POU3F4: variants seen among roughly 807,000 people sequenced by gnomAD.
The protein encoded by POU3F4 is POU domain, class 3, transcription factor 4.
Under a neutral mutation model 15.2 loss-of-function variants are expected in POU3F4, and 2 were observed. That is an observed-to-expected ratio of 0.13 (90% CI 0.05 to 0.42). POU3F4 has a LOEUF of 0.42. POU3F4 is among the 10% of genes least tolerant of loss of function. The pLI is 0.99. For missense variants in POU3F4, 220 were observed against 297.0 expected (o/e 0.74, Z 1.91); for synonymous variants, 158 against 133.3 (o/e 1.19, Z -1.28).
In POU3F4 at chrX:83,510,536, C is replaced by G. The variant is rs1925889984; in HGVS notation, c.*1126C>G. On this transcript the variant is annotated 3_prime_UTR_variant, in exon 1 of 1. Transcript: ENST00000644024. ...TAGATCGAGGTATCTGAGAAGGATT[C>G]GGCGGCAACTCTGGGCCAAAGAGGT... 1 of 111,392 alleles carries G rather than the reference C, an allele frequency of 9.0e-6. No homozygotes were observed. Among genetic ancestry groups the G allele is most frequent in the Non-Finnish European group, 1.9e-5 (1 of 53,032 alleles). The allele number at this position is 111,392 out of a possible 1,213,427, so 9.2% of individuals were successfully genotyped here.
In POU3F4 at chrX:83,509,640, C is replaced by T; in HGVS notation, c.*230C>T. On this transcript the variant is annotated 3_prime_UTR_variant, in exon 1 of 1. Transcript: ENST00000644024. ...CTTTCATTTTCTTTCCTTTCCCCTT[C>T]CCTTCCCTTCCCTTCCATCTCTTCC... 1 of 436,093 alleles carries T rather than the reference C, an allele frequency of 2.3e-6. No individual in the cohort carries two copies. Among genetic ancestry groups the T allele is most frequent in the East Asian group, 4.1e-5 (1 of 24,598 alleles). The allele number at this position is 436,093 out of a possible 1,213,427, so 35.9% of individuals were successfully genotyped here. A position where few individuals can be genotyped will look rare whatever the true frequency, so the allele number is the denominator to read the frequency against.
chrX:83,508,787 G>T lies in POU3F4; in HGVS notation c.463G>T (p.Ala155Ser). ...LEHGGLTPPP[A>S]AASAQSLHPV... ...ACACGGGGGACTCACCCCACCTCCA[G>T]CTGCCGCCTCTGCACAGAGCCTGCA... The change falls in exon 1 of 1, where the codon GCT (alanine) becomes TCT (serine). Residue 155 changes from alanine (A) to serine (S), a missense_variant. Ala to Ser is a moderately conservative substitution (Grantham distance 99). Coordinates refer to ENST00000644024, the MANE Select transcript of POU3F4 (RefSeq NM_000307.5). 1 of 1,204,908 alleles carries T rather than the reference G, an allele frequency of 8.3e-7. No homozygotes were observed. The highest frequency in any genetic ancestry group is 1.8e-5 in the South Asian group (1 of 55,958).
chrX:83,509,707 T>C lies in POU3F4; in HGVS notation c.*297T>C, dbSNP rs1297004201. The C allele has an allele frequency of 2.3e-5, 8 of 349,971 alleles. No individual in the cohort carries two copies. In the East Asian group the frequency reaches 2.7e-4, roughly 12 times the overall value. The allele number at this position is 349,971 out of a possible 1,213,427, so 28.8% of individuals were successfully genotyped here. On this transcript the variant is annotated 3_prime_UTR_variant, in exon 1 of 1. Coordinates refer to ENST00000644024, the MANE Select transcript of POU3F4 (RefSeq NM_000307.5). The stretch of plus-strand genomic sequence containing the variant: ...TTCTTTTGCTTTCCTTTCCTTTTTT[T>C]CCCTTTTCTTTCCTTTTCATAAGAG...
Position 83,508,854 on chromosome X carries a change from C to T in POU3F4, c.530C>T (p.Ser177Leu), listed in dbSNP as rs770657036. ...CCCCCGGATCACGGCGAACTGGGCT[C>T]GCACCATTGCCAGGATCACTCCGAC... Reference protein sequence around the residue: ...REPPDHGELGSHHCQDHSDEE... With the variant: ...REPPDHGELGLHHCQDHSDEE... The change falls in exon 1 of 1, where the codon TCG becomes TTG. Residue 177 changes from serine to leucine, a missense_variant. Physicochemically the swap from Ser to Leu is moderately radical, Grantham distance 145. This residue lies in a region of POU3F4 where 161 missense variants were observed against 154.1 expected (regional missense o/e 1.05). Coordinates refer to ENST00000644024, the MANE Select transcript of POU3F4 (RefSeq NM_000307.5). 27 of 1,210,101 alleles carry T rather than the reference C, an allele frequency of 2.2e-5. No homozygotes were observed. The highest frequency in any genetic ancestry group is 2.6e-5 in the Non-Finnish European group (23 of 894,547).
In POU3F4 at chrX:83,510,561, T is replaced by G. The variant is rs1925890430; in HGVS notation, c.*1151T>G. ...CGGCGGCAACTCTGGGCCAAAGAGG[T>G]GGCCTGACAGTCTGGGAGGGCTCCG... On this transcript the variant is annotated 3_prime_UTR_variant, in exon 1 of 1. Coordinates refer to ENST00000644024, the MANE Select transcript of POU3F4 (RefSeq NM_000307.5). 1 of 111,231 alleles carries G rather than the reference T, an allele frequency of 9.0e-6. No individual in the cohort carries two copies. The highest frequency in any genetic ancestry group is 3.8e-4 in the South Asian group (1 of 2,629). The allele number at this position is 111,231 out of a possible 1,213,427, so 9.2% of individuals were successfully genotyped here.
Position 83,510,216 on chromosome X carries a change from A to T in POU3F4, c.*806A>T, listed in dbSNP as rs1479401929. 1 of 109,651 alleles carries T rather than the reference A, an allele frequency of 9.1e-6. No homozygotes were observed. The highest frequency in any genetic ancestry group is 1.9e-5 in the Non-Finnish European group (1 of 52,657). The allele number at this position is 109,651 out of a possible 1,213,427, so 9.0% of individuals were successfully genotyped here. On this transcript the variant is annotated 3_prime_UTR_variant, in exon 1 of 1. Transcript: ENST00000644024. The stretch of plus-strand genomic sequence containing the variant: ...TTATTATTACTACTTCGTTGAGCTG[A>T]TGGCTTTTTAATTGCTTAGAAAAGG...
rs1925860278 is a variant in POU3F4 at position 83,509,505 on chromosome X, A to G, written c.*95A>G. The G allele has an allele frequency of 3.6e-6, 4 of 1,108,726 alleles. No homozygotes were observed. In the South Asian group the frequency reaches 8.0e-5, roughly 22 times the overall value. The allele number at this position is 1,108,726 out of a possible 1,213,427, so 91.4% of individuals were successfully genotyped here. On this transcript the variant is annotated 3_prime_UTR_variant, in exon 1 of 1. Coordinates refer to ENST00000644024, the MANE Select transcript of POU3F4 (RefSeq NM_000307.5). The stretch of plus-strand genomic sequence containing the variant: ...TCCTTTCATTCTAGTATTCTTTATT[A>G]TTTTTCTCTCTCTCTCGTTCGCTCG...
In POU3F4 at chrX:83,508,338, C is replaced by T; in HGVS notation, c.14C>T (p.Ala5Val). MATA[A>V]SNPYSILSST... Reference sequence around the variant, plus strand: ...TCCTCACCGACCATGGCCACAGCTGCCTCGAATCCCTACAGCATTCTCAGT... The same window carrying T: ...TCCTCACCGACCATGGCCACAGCTGTCTCGAATCCCTACAGCATTCTCAGT... Residue 5 changes from alanine to valine, a missense_variant, in exon 1 of 1, where the codon GCC becomes GTC. Transcript: ENST00000644024. 8.2e-7 allele frequency: 1 copy of T among 1,212,180 alleles called. No individual in the cohort carries two copies. Among genetic ancestry groups the T allele is most frequent in the Non-Finnish European group, 1.1e-6 (1 of 895,579 alleles).
At position 83,510,628 on chromosome X, in the gene POU3F4, C is replaced by A; in HGVS notation, c.*1218C>A. ...GGATTCCTGCGCGCAGAAATCCAGGCCCCCAGCCTCGCTAGGGCGACCTTC... is the reference window on the plus strand; with the variant it reads ...GGATTCCTGCGCGCAGAAATCCAGGACCCCAGCCTCGCTAGGGCGACCTTC... On this transcript the variant is annotated 3_prime_UTR_variant, in exon 1 of 1. Transcript: ENST00000644024. 9.0e-6 allele frequency: 1 copy of A among 111,705 alleles called. No homozygotes were observed. The highest frequency in any genetic ancestry group is 2.8e-4 in the East Asian group (1 of 3,510). The allele number at this position is 111,705 out of a possible 1,213,427, so 9.2% of individuals were successfully genotyped here.
chrX:83,511,012 A>G lies in POU3F4; in HGVS notation c.*1602A>G, dbSNP rs1295899706. ...GCACAGCTGGTGGAAGCCCACAGCG[A>G]CGATCCAGCGAGCTAGCGAGCGCCC... On this transcript the variant is annotated 3_prime_UTR_variant, in exon 1 of 1. Transcript: ENST00000644024. 1 of 110,092 alleles carries G rather than the reference A, an allele frequency of 9.1e-6. No homozygotes were observed. The highest frequency in any genetic ancestry group is 1.9e-5 in the Non-Finnish European group (1 of 52,767). The allele number at this position is 110,092 out of a possible 1,213,427, so 9.1% of individuals were successfully genotyped here.
chrX:83,508,486 G>A lies in POU3F4; in HGVS notation c.162G>A (p.Gly54=), dbSNP rs369124905. ...TTCCCAGCAATGGGCATCCCCTCGGGCATCACTGGGTGACCAGTCTGAGCG... is the reference window on the plus strand; with the variant it reads ...TTCCCAGCAATGGGCATCCCCTCGGACATCACTGGGTGACCAGTCTGAGCG... ...QGVPSNGHPL[G]HHWVTSLSDG... The change falls in exon 1 of 1, where the codon GGG becomes GGA. Residue 54 remains glycine, a synonymous_variant. Transcript: ENST00000644024. The A allele has an allele frequency of 3.3e-6, 4 of 1,206,927 alleles. No homozygotes were observed. Among genetic ancestry groups the A allele is most frequent in the Non-Finnish European group, 4.5e-6 (4 of 892,901 alleles).
Position 83,508,661 on chromosome X carries a change from G to A in POU3F4, c.337G>A (p.Ala113Thr). 1 of 1,211,667 alleles carries A rather than the reference G, an allele frequency of 8.3e-7. No homozygotes were observed. Among genetic ancestry groups the A allele is most frequent in the Non-Finnish European group, 1.1e-6 (1 of 895,450 alleles). Residue 113 changes from alanine (A) to threonine (T), a missense_variant, in exon 1 of 1, where the codon GCC (alanine) becomes ACC (threonine). Transcript: ENST00000644024. ...CTCACCGCACACTAACCACCCCAAC[G>A]CCTGGGGGGCCAGCCCGGCACCGAA... The part of the protein sequence containing the change: ...HHSPHTNHPN[A>T]WGASPAPNPS...
rs1197599560 is a variant in POU3F4 at position 83,509,400 on chromosome X, A to G, written c.1076A>G (p.His359Arg). The G allele has an allele frequency of 8.3e-7, 1 of 1,198,586 alleles. No homozygotes were observed. Among genetic ancestry groups the G allele is most frequent in the African/African-American group, 1.7e-5 (1 of 57,258 alleles). The change falls in exon 1 of 1, where the codon CAT (histidine) becomes CGT (arginine). Residue 359 changes from histidine (H) to arginine (R), a missense_variant. Physicochemically the swap from His to Arg is conservative, Grantham distance 29. Coordinates refer to ENST00000644024, the MANE Select transcript of POU3F4 (RefSeq NM_000307.5). ...SHTVKTDTSC[H>R]DL ...ACCGTGAAAACAGACACATCTTGCC[A>G]TGATCTCTGACTGGAGGAAGCGAGG...
chrX:83,509,705 T>C lies in POU3F4; in HGVS notation c.*295T>C. The C allele has an allele frequency of 5.6e-6, 2 of 356,153 alleles. No individual in the cohort carries two copies. Among genetic ancestry groups the C allele is most frequent in the Non-Finnish European group, 1.0e-5 (2 of 200,418 alleles). The allele number at this position is 356,153 out of a possible 1,213,427, so 29.4% of individuals were successfully genotyped here. A position where few individuals can be genotyped will look rare whatever the true frequency, so the allele number is the denominator to read the frequency against. On this transcript the variant is annotated 3_prime_UTR_variant, in exon 1 of 1. Coordinates refer to ENST00000644024, the MANE Select transcript of POU3F4 (RefSeq NM_000307.5). ...TTTTCTTTTGCTTTCCTTTCCTTTTTTTCCCTTTTCTTTCCTTTTCATAAG... is the reference window on the plus strand; with the variant it reads ...TTTTCTTTTGCTTTCCTTTCCTTTTCTTCCCTTTTCTTTCCTTTTCATAAG...
In POU3F4 at chrX:83,511,901, T is replaced by C. The variant is rs1925919407; in HGVS notation, c.*2491T>C. ...TTTCATTAAGAGTTGCTTTTTCAACTATTTTATTCAAATTGCCTATTGCAG... is the reference window on the plus strand; with the variant it reads ...TTTCATTAAGAGTTGCTTTTTCAACCATTTTATTCAAATTGCCTATTGCAG... On this transcript the variant is annotated 3_prime_UTR_variant, in exon 1 of 1. Transcript: ENST00000644024. The C allele has an allele frequency of 1.8e-5, 2 of 112,703 alleles. No individual in the cohort carries two copies. Among genetic ancestry groups the C allele is most frequent in the Non-Finnish European group, 3.7e-5 (2 of 53,389 alleles). 9.3% of individuals were successfully genotyped at this position (112,703 alleles called of 1,213,427 possible).
Position 83,508,541 on chromosome X carries a change from A to C in POU3F4, c.217A>C (p.Thr73Pro). ...GGGCCCATGGTCCTCCACACTGGCC[A>C]CCAGCCCCCTGGACCAGCAGGACGT... is the stretch of plus-strand genomic sequence containing the variant. ...DGGPWSSTLA[T>P]SPLDQQDVKP... Residue 73 changes from threonine (T) to proline (P), a missense_variant, in exon 1 of 1, where the codon ACC (threonine) becomes CCC (proline). Thr to Pro is a conservative substitution (Grantham distance 38). Transcript: ENST00000644024. 8.3e-7 allele frequency: 1 copy of C among 1,203,927 alleles called. No homozygotes were observed. The highest frequency in any genetic ancestry group is 1.7e-5 in the African/African-American group (1 of 57,731).
chrX:83,510,408 G>A lies in POU3F4; in HGVS notation c.*998G>A, dbSNP rs1185859757. On this transcript the variant is annotated 3_prime_UTR_variant, in exon 1 of 1. Coordinates refer to ENST00000644024, the MANE Select transcript of POU3F4 (RefSeq NM_000307.5). Reference sequence around the variant, plus strand: ...GAGTGCCTAGGAAGGGCAGAATAGGGAAGCCTATTAGGTTTGCAAACTAGT... The same window carrying A: ...GAGTGCCTAGGAAGGGCAGAATAGGAAAGCCTATTAGGTTTGCAAACTAGT... 1 of 110,505 alleles carries A rather than the reference G, an allele frequency of 9.0e-6. No homozygotes were observed. Among genetic ancestry groups the A allele is most frequent in the African/African-American group, 3.3e-5 (1 of 30,279 alleles). 9.1% of individuals were successfully genotyped at this position (110,505 alleles called of 1,213,427 possible). A position where few individuals can be genotyped will look rare whatever the true frequency, so the allele number is the denominator to read the frequency against.
At position 83,511,903 on chromosome X, in the gene POU3F4, T is replaced by G. The variant is rs898733000; in HGVS notation, c.*2493T>G. The G allele has an allele frequency of 8.9e-6, 1 of 112,679 alleles. No homozygotes were observed. Among genetic ancestry groups the G allele is most frequent in the African/African-American group, 3.2e-5 (1 of 31,017 alleles). The allele number at this position is 112,679 out of a possible 1,213,427, so 9.3% of individuals were successfully genotyped here. On this transcript the variant is annotated 3_prime_UTR_variant, in exon 1 of 1. Coordinates refer to ENST00000644024, the MANE Select transcript of POU3F4 (RefSeq NM_000307.5). ...TCATTAAGAGTTGCTTTTTCAACTA[T>G]TTTATTCAAATTGCCTATTGCAGTT...
In POU3F4 at chrX:83,509,770, T is replaced by C; in HGVS notation, c.*360T>C. On this transcript the variant is annotated 3_prime_UTR_variant, in exon 1 of 1. Coordinates refer to ENST00000644024, the MANE Select transcript of POU3F4 (RefSeq NM_000307.5). The stretch of plus-strand genomic sequence containing the variant: ...GTTGACAAAGGAAACACATACTCTC[T>C]CATTCAGGCTTCTCAATGCTGATAC... 1 of 247,029 alleles carries C rather than the reference T, an allele frequency of 4.0e-6. No individual in the cohort carries two copies. Among genetic ancestry groups the C allele is most frequent in the South Asian group, 6.4e-5 (1 of 15,695 alleles). 20.4% of individuals were successfully genotyped at this position (247,029 alleles called of 1,213,427 possible).
Sources: allele counts gnomAD v4.1 joint callset, GRCh38; gene constraint gnomAD v4.1.1; regional missense constraint gnomAD v4.1.1; transcripts MANE v1.5; gene names NCBI Gene and HGNC (gene_info 2026-07-23, HGNC 2026-07-21).